The following NWD2 variants were observed in gnomAD, a reference collection of about 807,000 sequenced individuals.
NWD2 encodes the protein NACHT and WD repeat domain containing 2.
Under a neutral mutation model 132.7 loss-of-function variants are expected in NWD2, and 37 were observed. That is an observed-to-expected ratio of 0.28 (90% CI 0.21 to 0.37). The LOEUF (loss-of-function observed/expected upper bound fraction) is 0.37. Ranked by LOEUF, NWD2 falls within the 10% of genes least tolerant of loss-of-function variation. The pLI is 1.00. For missense variants in NWD2, 1,592 were observed against 2,122.4 expected, an observed-to-expected ratio of 0.75 and a Z score of 4.91; for synonymous variants, 705 against 803.0, an observed-to-expected ratio of 0.88 and a Z score of 2.06.
intron 3 of NWD2, among the ~76,000 whole-genome samples, chr4:37,367,486 A>C (rs756921759): frequency 6.6e-6 from 1 of 152,178 alleles, no homozygotes; most frequent in African/African-American, 2.4e-5. Flanking sequence ...AATTAGACCC[A>C]AGGCAATTGG....
chr4:37,293,831 C>G lies in NWD2; in HGVS notation c.152-32105C>G, dbSNP rs75182944. On this transcript the variant is annotated intron_variant, in intron 1 of 6. Transcript: ENST00000309447. Reference sequence around the variant, plus strand: ...TGTTATTCCTACCAGCTATTGCAAGCTATGTAGTACTGGGTAGTACTTAAC... The same window carrying G: ...TGTTATTCCTACCAGCTATTGCAAGGTATGTAGTACTGGGTAGTACTTAAC... Among the ~76,000 whole-genome samples the G allele has an allele frequency of 7.5e-3, 1,137 of 150,738 alleles. 40 individuals carry two copies. The East Asian group carries it at 0.11, about 15-fold the overall frequency.
intron 1 of NWD2, among the ~76,000 whole-genome samples, chr4:37,272,892 T>C (rs987266644): frequency 5.3e-5 from 8 of 151,760 alleles, no homozygotes; most frequent in Admixed American, 2.6e-4. Context: ...GCAGAGCATA[T>C]GTTATCTCCT....
intron 3 of NWD2, among the ~76,000 whole-genome samples, chr4:37,394,866 G>A (rs1292467054): frequency 7.9e-6 from 1 of 126,726 alleles, no homozygotes; most frequent in African/African-American, 3.0e-5. Flanking sequence ...GCTGGAGTGT[G>A]CAGTGGTGCA....
At chr4:37,306,230 T>G (rs1469978802) in intron 1 of NWD2, among the ~76,000 whole-genome samples, 1 of 152,272 alleles carries the variant, frequency 6.6e-6, no homozygotes, top group East Asian at 1.9e-4. Flanking sequence ...CTTTTTATTC[T>G]TAGTACAGCT....
At chr4:37,437,073 T>A (rs1712341490) in intron 5 of NWD2, among the ~76,000 whole-genome samples, 1 of 152,196 alleles carries the variant, frequency 6.6e-6, no homozygotes. Flanking sequence ...GGAACCATTT[T>A]TAAATAAAAT....
chr4:37,389,226 A>G (rs1214456757), intron 3 of NWD2, among the ~76,000 whole-genome samples: 4 of 152,182 alleles, frequency 2.6e-5, no homozygotes, highest in Non-Finnish European at 5.9e-5. Context: ...CTCTCGTCAG[A>G]GCCCCTGCCT....
chr4:37,246,855 A>AT (rs55847531), intron 1 of NWD2, among the ~76,000 whole-genome samples: 18 of 152,144 alleles, frequency 1.2e-4, no homozygotes, highest in African/African-American at 4.3e-4. Flanking sequence ...AATATGTGTA[A>AT]TTTTTTTCTT....
At chr4:37,319,189 G>A (rs994193637) in intron 1 of NWD2, among the ~76,000 whole-genome samples, 6 of 151,858 alleles carry the variant, frequency 4.0e-5, no homozygotes, top group African/African-American at 1.2e-4. Flanking sequence ...GTATGAGATG[G>A]CATCTTTGTG....
chr4:37,287,665 G>A lies in NWD2; in HGVS notation c.152-38271G>A, dbSNP rs546084328. Reference sequence around the variant, plus strand: ...CTCCCTGGGCATGAGCCCCTAGGGGGAGGGGTGGCCGCAGTCTTTGCAGTC... The same window carrying A: ...CTCCCTGGGCATGAGCCCCTAGGGGAAGGGGTGGCCGCAGTCTTTGCAGTC... On this transcript the variant is annotated intron_variant, in intron 1 of 6. Transcript: ENST00000309447. Among the ~76,000 whole-genome samples the A allele has an allele frequency of 1.8e-4, 27 of 152,342 alleles. No homozygotes were observed. In the South Asian group the frequency reaches 5.4e-3, roughly 30 times the overall value.
chr4:37,368,311 C>T (rs374066467), intron 3 of NWD2, among the ~76,000 whole-genome samples: 49 of 152,226 alleles, frequency 3.2e-4, no homozygotes, highest in Admixed American at 1.6e-3. Context: ...CATCTAATTA[C>T]GATGCAAGGT....
intron 2 of NWD2, among the ~76,000 whole-genome samples, chr4:37,353,793 C>T (rs1355610456): frequency 6.6e-6 from 1 of 152,008 alleles, no homozygotes; most frequent in African/African-American, 2.4e-5. Context: ...TTGGAACATG[C>T]TCCTTTAGCT....
At chr4:37,341,542 T>C (rs1719525825) in intron 2 of NWD2, among the ~76,000 whole-genome samples, 1 of 152,126 alleles carries the variant, frequency 6.6e-6, no homozygotes, top group African/African-American at 2.4e-5. Flanking sequence ...TGAAATGAGA[T>C]TGAAGTGTTA....
intron 1 of NWD2, among the ~76,000 whole-genome samples, chr4:37,309,238 G>A (rs1036153592): frequency 6.6e-6 from 1 of 152,202 alleles, no homozygotes; most frequent in African/African-American, 2.4e-5. Context: ...CAGTCCTAGG[G>A]CCTTTGGGGA....
At chr4:37,279,517 G>A (rs1279255189) in intron 1 of NWD2, among the ~76,000 whole-genome samples, 3 of 152,142 alleles carry the variant, frequency 2.0e-5, no homozygotes, top group Non-Finnish European at 4.4e-5. Context: ...CAAGAAATAT[G>A]CAGTGAAAAG....
chr4:37,414,013 C>G (rs2109320197), intron 3 of NWD2, among the ~76,000 whole-genome samples: 1 of 152,002 alleles, frequency 6.6e-6, no homozygotes, highest in Middle Eastern at 3.4e-3. Context: ...GGAGAAATAC[C>G]TAATGTAGGT....
At chr4:37,265,443 G>T (rs73807467) in intron 1 of NWD2, among the ~76,000 whole-genome samples, 3,452 of 152,218 alleles carry the variant, frequency 0.023, 137 homozygotes, top group African/African-American at 0.079. Flanking sequence ...ATTGTCTTGA[G>T]TTCTGGAGGT....
At chr4:37,260,184 G>A (rs1263271384) in intron 1 of NWD2, among the ~76,000 whole-genome samples, 5 of 152,268 alleles carry the variant, frequency 3.3e-5, no homozygotes, top group African/African-American at 1.2e-4. Context: ...GAGGTGTGAC[G>A]TTCTTGTCCT....
intron 1 of NWD2, among the ~76,000 whole-genome samples, chr4:37,261,457 C>G (rs538244769): frequency 3.9e-5 from 6 of 152,252 alleles, no homozygotes; most frequent in Non-Finnish European, 7.4e-5. Flanking sequence ...ATTACTATCA[C>G]AAGTAAGTTG....
intron 3 of NWD2, among the ~76,000 whole-genome samples, chr4:37,372,207 C>A (rs1005264713): frequency 2.0e-5 from 3 of 152,158 alleles, no homozygotes; most frequent in African/African-American, 7.2e-5. Context: ...TGACTTCTTA[C>A]ACTTGGTGAG....
Sources: gnomAD v4.1 joint callset for allele counts (sites outside exome capture counted in the v4.1 genomes callset) on GRCh38, gnomAD v4.1.1 for gene constraint, MANE v1.5 for transcripts, NCBI Gene and HGNC (gene_info 2026-07-23, HGNC 2026-07-21) for gene names.